RELN: variants seen among roughly 807,000 people sequenced by gnomAD.
RELN encodes the protein reelin.
Under a neutral mutation model 427.6 loss-of-function variants are expected in RELN, and 108 were observed. That is an observed-to-expected ratio of 0.25 (90% CI 0.22 to 0.30). The LOEUF is 0.30. Among genes scored for constraint, RELN ranks in the 10% least tolerant of loss-of-function variants. RELN has a pLI of 1.00. For synonymous variants in RELN, 1,524 were observed against 1,513.4 expected (o/e 1.01, Z -0.16); for missense variants, 3,715 against 4,302.8 (o/e 0.86, Z 3.82).
chr7:103,858,513 AATAAG>A (rs766327053), intron 2 of RELN, among the ~76,000 whole-genome samples: 1 of 152,176 alleles, frequency 6.6e-6, no homozygotes, highest in Non-Finnish European at 1.5e-5. Flanking sequence ...AGCATTTAGA[AATAAG>A]ATAATTTTCA....
Position 103,491,848 on chromosome 7 carries a change from TCTCTCTCTCACACACACACA to T in RELN, c.9443+85_9443+104del, listed in dbSNP as rs1416683889. ...GTCTCTCTCTCTCTCTCTCTCTCTC[TCTCTCTCTCACACACACACA>T]CACACACACACACACACACACACAC... On this transcript the variant is annotated intron_variant, in intron 58 of 64. Transcript: ENST00000428762. The T allele has an allele frequency of 1.9e-3, 1,087 of 581,726 alleles. 8 individuals carry two copies. The highest frequency in any genetic ancestry group is 0.018 in the African/African-American group (705 of 39,298). 36.0% of individuals were successfully genotyped at this position (581,726 alleles called of 1,614,324 possible).
chr7:103,518,261 C>A (rs987851369), intron 49 of RELN, among the ~76,000 whole-genome samples: 1 of 148,396 alleles, frequency 6.7e-6, no homozygotes, highest in Non-Finnish European at 1.5e-5. Context: ...TTATAAGATT[C>A]TTTTTATTTT....
intron 16 of RELN, among the ~76,000 whole-genome samples, chr7:103,643,739 T>A (rs914319913): frequency 1.3e-5 from 2 of 152,058 alleles, no homozygotes. Context: ...GGGATCCTAT[T>A]TTTAGGTTTC....
At chr7:103,674,527 C>T (rs1363409175) in intron 11 of RELN, among the ~76,000 whole-genome samples, 2 of 152,052 alleles carry the variant, frequency 1.3e-5, no homozygotes, top group Non-Finnish European at 2.9e-5. Flanking sequence ...AGCAGATGTG[C>T]CCTTGGGTGA....
At chr7:103,678,164 A>T (rs919282697) in intron 11 of RELN, among the ~76,000 whole-genome samples, 11 of 152,142 alleles carry the variant, frequency 7.2e-5, no homozygotes, top group Admixed American at 1.3e-4. Flanking sequence ...AGATTTTTTT[A>T]AAAAAGGTGT....
intron 10 of RELN, among the ~76,000 whole-genome samples, chr7:103,685,947 A>G (rs1210642382): frequency 1.3e-5 from 2 of 152,164 alleles, no homozygotes; most frequent in Non-Finnish European, 2.9e-5. Flanking sequence ...TACTCTGCTG[A>G]AAATGTTAAT....
intron 43 of RELN, among the ~76,000 whole-genome samples, chr7:103,541,046 C>T (rs952506808): frequency 1.3e-5 from 2 of 152,172 alleles, no homozygotes; most frequent in Non-Finnish European, 2.9e-5. Flanking sequence ...GGCCTCTTTT[C>T]TCTCTTTTGT....
intron 10 of RELN, among the ~76,000 whole-genome samples, chr7:103,694,786 A>G (rs1463720925): frequency 6.6e-6 from 1 of 151,280 alleles, no homozygotes; most frequent in African/African-American, 2.4e-5. Flanking sequence ...CAGCCTCTGG[A>G]GTAGCTGGGA....
At chr7:103,504,294 T>C (rs1370387727) in intron 51 of RELN, 1 of 152,174 alleles carries the variant, frequency 6.6e-6, no homozygotes, top group Non-Finnish European at 1.5e-5. Context: ...GAAATAACCA[T>C]TATAGCTTTA....
chr7:103,932,922 GACAGAC>G (rs2116712764), intron 1 of RELN, among the ~76,000 whole-genome samples: 1 of 152,326 alleles, frequency 6.6e-6, no homozygotes, highest in Non-Finnish European at 1.5e-5. Flanking sequence ...GACATTGGCA[GACAGAC>G]ACGTGCTAGA....
chr7:103,827,985 C>A (rs1584273704), intron 3 of RELN, among the ~76,000 whole-genome samples: 1 of 152,040 alleles, frequency 6.6e-6, no homozygotes, highest in Non-Finnish European at 1.5e-5. Context: ...TTGTATGCAT[C>A]CATTGTTGGC....
At chr7:103,641,463 G>T (rs1366042720) in intron 16 of RELN, among the ~76,000 whole-genome samples, 1 of 152,142 alleles carries the variant, frequency 6.6e-6, no homozygotes, top group Admixed American at 6.5e-5. Context: ...TAGGCCAATG[G>T]AAAGATCTTG....
intron 64 of RELN, 123 bp downstream of exon 64, chr7:103,478,266 G>A (rs1828105719): frequency 8.0e-6 from 5 of 621,968 alleles, no homozygotes; most frequent in Non-Finnish European, 1.4e-5. Context: ...ATTTATTACT[G>A]TTTTCATAGA....
At chr7:103,703,996 A>T (rs1834147054) in intron 8 of RELN, among the ~76,000 whole-genome samples, 1 of 152,204 alleles carries the variant, frequency 6.6e-6, no homozygotes, top group Non-Finnish European at 1.5e-5. Context: ...TCCTGGATTT[A>T]CTGAGGAGCC....
chr7:103,981,040 T>C (rs942525801), intron 1 of RELN, among the ~76,000 whole-genome samples: 1 of 152,154 alleles, frequency 6.6e-6, no homozygotes, highest in Admixed American at 6.5e-5. Context: ...AACAAAGAGA[T>C]TACATGTTCC....
chr7:103,686,309 C>T (rs985083841), intron 10 of RELN, among the ~76,000 whole-genome samples: 2 of 152,046 alleles, frequency 1.3e-5, no homozygotes, highest in Admixed American at 1.3e-4. Flanking sequence ...TTTTTGATAG[C>T]CAAGCTGGCT....
At position 103,676,076 on chromosome 7, in the gene RELN, G is replaced by T. The variant is rs537512593; in HGVS notation, c.1289+6040C>A. ...ACTAAAGAGTTTCTGCACAACAAAA[G>T]AAACTACCATCAGAGTGAACAGGCA... On this transcript the variant is annotated intron_variant, in intron 11 of 64. Transcript: ENST00000428762. Among the ~76,000 whole-genome samples, 105 of 152,166 alleles carry T rather than the reference G, an allele frequency of 6.9e-4. No individual in the cohort carries two copies. In the East Asian group the frequency reaches 0.013, roughly 19 times the overall value.
At chr7:103,637,491 A>T (rs1476578485) in intron 17 of RELN, among the ~76,000 whole-genome samples, 1 of 152,194 alleles carries the variant, frequency 6.6e-6, no homozygotes, top group Non-Finnish European at 1.5e-5. Flanking sequence ...GGAATGTAAA[A>T]ATATGCTAAA....
At chr7:103,630,648 C>A (rs1337980628) in intron 19 of RELN, among the ~76,000 whole-genome samples, 1 of 152,104 alleles carries the variant, frequency 6.6e-6, no homozygotes, top group African/African-American at 2.4e-5. Context: ...TTGTACACAG[C>A]AGCGGGAACC....
Sources: allele counts gnomAD v4.1 joint callset (sites outside exome capture counted in the v4.1 genomes callset), GRCh38; gene constraint gnomAD v4.1.1; transcripts MANE v1.5; gene names NCBI Gene and HGNC (gene_info 2026-07-23, HGNC 2026-07-21).